PHLDB2: variants seen among roughly 807,000 people sequenced by gnomAD.
PHLDB2 encodes pleckstrin homology like domain family B member 2.
A neutral mutation model predicts 123.6 loss-of-function variants in PHLDB2; 71 were observed. The observed-to-expected ratio is 0.57, with a 90% CI of 0.47 to 0.70. PHLDB2 has a LOEUF of 0.70. Ranked by LOEUF, PHLDB2 falls within the 30% of genes least tolerant of loss-of-function variation. PHLDB2 has a pLI of 0.00. For missense variants in PHLDB2, 1,446 were observed against 1,519.5 expected, an observed-to-expected ratio of 0.95 and a Z score of 0.80; for synonymous variants, 547 against 541.6, an observed-to-expected ratio of 1.01 and a Z score of -0.14.
chr3:111,753,766 G>A (rs181558405), intron 1 of PHLDB2, among the ~76,000 whole-genome samples: 2,970 of 152,054 alleles, frequency 0.02, 103 homozygotes, highest in East Asian at 0.15. Flanking sequence ...TTTCTTCTAG[G>A]GTGTTTATGG....
chr3:111,963,837 CA>C (rs1005292321), intron 13 of PHLDB2, among the ~76,000 whole-genome samples: 1 of 152,120 alleles, frequency 6.6e-6, no homozygotes, highest in Non-Finnish European at 1.5e-5. Flanking sequence ...TACCAATGTT[CA>C]AAAAATTTCC....
chr3:111,857,872 C>G (rs1278255246), upstream of PHLDB2, among the ~76,000 whole-genome samples: 1 of 152,178 alleles, frequency 6.6e-6, no homozygotes, highest in African/African-American at 2.4e-5. Context: ...TAAGTTAGTT[C>G]AACCATTGTG....
intron 1 of PHLDB2, among the ~76,000 whole-genome samples, chr3:111,822,823 T>A (rs2062468165): frequency 6.6e-6 from 1 of 152,200 alleles, no homozygotes; most frequent in Non-Finnish European, 1.5e-5. Context: ...ACATACTATA[T>A]AATTAATACA....
At chr3:111,821,102 C>T (rs976090643) in intron 1 of PHLDB2, among the ~76,000 whole-genome samples, 1 of 152,126 alleles carries the variant, frequency 6.6e-6, no homozygotes, top group East Asian at 1.9e-4. Flanking sequence ...TCAGGGTCCC[C>T]AGTGATTCTG....
At chr3:111,880,501 G>A (rs1237021340) in intron 1 of PHLDB2, among the ~76,000 whole-genome samples, 3 of 152,152 alleles carry the variant, frequency 2.0e-5, no homozygotes, top group Non-Finnish European at 4.4e-5. Flanking sequence ...AAGCCTTCTT[G>A]TGGTACAACT....
chr3:111,954,995 G>C (rs1051171267), intron 12 of PHLDB2, among the ~76,000 whole-genome samples: 1 of 151,886 alleles, frequency 6.6e-6, no homozygotes, highest in Non-Finnish European at 1.5e-5. Context: ...TCTGCCAATG[G>C]TACTGAGAGA....
At chr3:111,967,975 CAAAA>C (rs58918022) in intron 15 of PHLDB2, 151 bp downstream of exon 15, 43 of 67,796 alleles carry the variant, frequency 6.3e-4, no homozygotes, top group Middle Eastern at 6.8e-3. Flanking sequence ...CATTCCTGTG[CAAAA>C]AAAAAAAAAA....
intron 1 of PHLDB2, among the ~76,000 whole-genome samples, chr3:111,807,560 AAAAT>A (rs1473573596): frequency 2.0e-5 from 3 of 152,112 alleles, no homozygotes; most frequent in Non-Finnish European, 4.4e-5. Flanking sequence ...TCTCTACAAA[AAAAT>A]AAAAATTTAA....
intron 1 of PHLDB2, among the ~76,000 whole-genome samples, chr3:111,870,898 G>C (rs2065305314): frequency 6.6e-6 from 1 of 152,174 alleles, no homozygotes; most frequent in African/African-American, 2.4e-5. Context: ...ATCAACCACT[G>C]TCTGCCACAA....
intron 1 of PHLDB2, among the ~76,000 whole-genome samples, chr3:111,771,520 T>A (rs533614250): frequency 1.3e-5 from 2 of 152,252 alleles, no homozygotes; most frequent in East Asian, 3.9e-4. Context: ...TTTGTATTTT[T>A]AGTAGAGATG....
chr3:111,883,959 C>A, intron 1 of PHLDB2, 105 bp from the exon 2 acceptor site: 1 of 1,052,118 alleles, frequency 9.5e-7, no homozygotes. Context: ...TTGTTAGTTG[C>A]ATTAGGTCAG....
intron 1 of PHLDB2, chr3:111,883,854 C>A: frequency 2.0e-6 from 1 of 505,756 alleles, no homozygotes. Flanking sequence ...TTTTATTTCT[C>A]TTTTGTACAT....
chr3:111,748,537 CTTT>C lies in PHLDB2; in HGVS notation c.-49+15840_-49+15842del, dbSNP rs1026112270. On this transcript the variant is annotated intron_variant, in intron 1 of 17. Coordinates refer to the PHLDB2 transcript ENST00000393923. Reference sequence around the variant, plus strand: ...TTATTGTCACCTCTTTTTTCTTTTTCTTTTTTTTCTTGAGACACTTGTTGCCCA... The same window carrying C: ...TTATTGTCACCTCTTTTTTCTTTTTCTTTTTCTTGAGACACTTGTTGCCCA... Among the ~76,000 whole-genome samples the C allele has an allele frequency of 5.3e-4, 81 of 151,896 alleles. 1 individual carries two copies.
In PHLDB2 at chr3:111,958,175, C is replaced by T. The variant is rs553260072; in HGVS notation, c.2873-3933C>T. 3.5e-4 allele frequency: 264 copies of T among 750,056 alleles called. 1 individual carries two copies. The Middle Eastern group carries it at 7.4e-3, about 21-fold the overall frequency. The allele number at this position is 750,056 out of a possible 1,614,324, so 46.5% of individuals were successfully genotyped here. ...TATGTTTTTCCTGCCCCCTTGTCATCCTTTTTGATCTTGTATCTTTTTCCC... is the reference window on the plus strand; with the variant it reads ...TATGTTTTTCCTGCCCCCTTGTCATTCTTTTTGATCTTGTATCTTTTTCCC... On this transcript the variant is annotated intron_variant, in intron 12 of 17. Coordinates refer to ENST00000431670, the MANE Select transcript of PHLDB2 (RefSeq NM_001134438.2).
At chr3:111,834,973 T>A (rs1372601104) in intron 1 of PHLDB2, among the ~76,000 whole-genome samples, 1 of 152,070 alleles carries the variant, frequency 6.6e-6, no homozygotes, top group Non-Finnish European at 1.5e-5. Context: ...ATATCACACC[T>A]TTGTAATTTT....
intron 1 of PHLDB2, among the ~76,000 whole-genome samples, chr3:111,873,407 T>C (rs533344299): frequency 9.8e-5 from 15 of 152,342 alleles, no homozygotes; most frequent in Admixed American, 9.1e-4. Context: ...CGTAATATTT[T>C]AGTCAGGTGG....
At chr3:111,917,717 A>C (rs1366734752) in intron 3 of PHLDB2, 1 of 152,244 alleles carries the variant, frequency 6.6e-6, no homozygotes, top group Non-Finnish European at 1.5e-5. Flanking sequence ...CTAAATGCTG[A>C]ATCGTTGAAT....
At chr3:111,870,664 C>T (rs982284892) in intron 1 of PHLDB2, among the ~76,000 whole-genome samples, 1 of 152,060 alleles carries the variant, frequency 6.6e-6, no homozygotes, top group Non-Finnish European at 1.5e-5. Context: ...GAAAGCTTCC[C>T]CTCAGGCCCC....
chr3:111,903,035 AT>A (rs890200071), intron 2 of PHLDB2, among the ~76,000 whole-genome samples: 167 of 151,482 alleles, frequency 1.1e-3, no homozygotes, highest in Middle Eastern at 3.4e-3. Context: ...TTTTATTTGT[AT>A]TTTTTTTTGT....
Sources: allele counts gnomAD v4.1 joint callset (sites outside exome capture counted in the v4.1 genomes callset), GRCh38; gene constraint gnomAD v4.1.1; transcripts MANE v1.5; gene names NCBI Gene and HGNC (gene_info 2026-07-23, HGNC 2026-07-21).